Variants in STK3 observed in about 807,000 individuals in gnomAD.
The protein encoded by STK3 is serine/threonine-protein kinase 3.
Under a neutral mutation model 58.0 loss-of-function variants are expected in STK3, and 41 were observed. The observed-to-expected ratio is 0.71, with a 90% CI of 0.55 to 0.92. STK3 has a LOEUF of 0.92. Ranked by LOEUF, STK3 falls within the 40% of genes least tolerant of loss-of-function variation. The probability of loss-of-function intolerance (pLI) is 0.00; values close to 1 mark genes in which losing one functional copy is unlikely to be tolerated. For missense variants in STK3, 479 were observed against 602.7 expected (o/e 0.79, Z 2.15); for synonymous variants, 170 against 191.0 (o/e 0.89, Z 0.91).
chr8:98,669,205 C>T (rs1361923983), intron 6 of STK3, among the ~76,000 whole-genome samples: 2 of 152,064 alleles, frequency 1.3e-5, no homozygotes, highest in African/African-American at 4.8e-5. Flanking sequence ...TCATATTGAT[C>T]AGGCTGGTCT....
At chr8:98,801,188 A>G (rs918266801) in intron 1 of STK3, among the ~76,000 whole-genome samples, 6 of 152,168 alleles carry the variant, frequency 3.9e-5, no homozygotes, top group Non-Finnish European at 7.4e-5. Flanking sequence ...TTGTAAATAC[A>G]CCAATTAGCA....
At chr8:98,444,516 G>A (rs371689416) in intron 1 of STK3, among the ~76,000 whole-genome samples, 3 of 152,216 alleles carry the variant, frequency 2.0e-5, no homozygotes, top group East Asian at 3.8e-4. Context: ...GGCCTGAAGG[G>A]TAGTGGAGGT....
downstream of STK3, among the ~76,000 whole-genome samples, chr8:98,371,034 G>A (rs1245244028): frequency 1.3e-5 from 2 of 152,288 alleles, no homozygotes; most frequent in South Asian, 4.1e-4. Context: ...TCAGACCACT[G>A]GACCCAAAAT....
At chr8:98,701,540 C>T (rs1424397996) in intron 6 of STK3, among the ~76,000 whole-genome samples, 1 of 151,866 alleles carries the variant, frequency 6.6e-6, no homozygotes, top group Non-Finnish European at 1.5e-5. Flanking sequence ...AGGAGAATCG[C>T]TTGAAACCGG....
the STK3 span, among the ~76,000 whole-genome samples, chr8:98,356,825 A>G: frequency 6.6e-6 from 1 of 152,236 alleles, no homozygotes; most frequent in South Asian, 2.1e-4. Flanking sequence ...GTGGAAAGAA[A>G]GCAAAACCTA....
At chr8:98,395,997 T>C (rs1203016052) in intron 3 of STK3, among the ~76,000 whole-genome samples, 27 of 152,346 alleles carry the variant, frequency 1.8e-4, no homozygotes, top group Non-Finnish European at 2.9e-5. Flanking sequence ...TCCAGATCTA[T>C]ACAACTGCCT....
chr8:98,425,313 C>T (rs777204492), intron 3 of STK3, among the ~76,000 whole-genome samples: 6 of 127,574 alleles, frequency 4.7e-5, no homozygotes, highest in Non-Finnish European at 6.6e-5. Context: ...GATTTTTCTC[C>T]GTCTCTCCCT....
chr8:98,716,659 G>A (rs1827040497), intron 4 of STK3, among the ~76,000 whole-genome samples: 1 of 152,046 alleles, frequency 6.6e-6, no homozygotes, highest in South Asian at 2.1e-4. Flanking sequence ...GATGTTTATT[G>A]CAGAAATAGA....
intron 6 of STK3, among the ~76,000 whole-genome samples, chr8:98,627,082 T>G (rs752371274): frequency 8.1e-4 from 124 of 152,304 alleles, no homozygotes; most frequent in Middle Eastern, 3.4e-3. Context: ...GACTCAAGTC[T>G]TAAGAGTCAT....
intron 1 of STK3, among the ~76,000 whole-genome samples, chr8:98,444,977 C>G (rs1439324220): frequency 6.6e-6 from 1 of 152,122 alleles, no homozygotes; most frequent in Non-Finnish European, 1.5e-5. Flanking sequence ...CACTTCTTAT[C>G]TTGGTACTAA....
intron 1 of STK3, chr8:98,778,955 C>T (rs1831907173): frequency 6.6e-6 from 1 of 151,932 alleles, no homozygotes; most frequent in Non-Finnish European, 1.5e-5. Flanking sequence ...GGGTGCAGCA[C>T]ACCAACATGG....
At chr8:98,764,885 T>C (rs1272063956) in intron 3 of STK3, among the ~76,000 whole-genome samples, 2 of 152,178 alleles carry the variant, frequency 1.3e-5, no homozygotes, top group East Asian at 3.8e-4. Context: ...TGTATGCCAC[T>C]CTTAGGAGAC....
At chr8:98,443,462 T>C (rs548449335) in intron 1 of STK3, among the ~76,000 whole-genome samples, 2 of 152,332 alleles carry the variant, frequency 1.3e-5, no homozygotes, top group African/African-American at 4.8e-5. Context: ...TGAATGATAG[T>C]GGCAACATAG....
chr8:98,732,497 C>T (rs1035453190), intron 4 of STK3, among the ~76,000 whole-genome samples: 4 of 152,070 alleles, frequency 2.6e-5, no homozygotes, highest in South Asian at 2.1e-4. Flanking sequence ...TAAAATTCTA[C>T]GTAGGCTATC....
intron 3 of STK3, among the ~76,000 whole-genome samples, chr8:98,843,658 T>C (rs867771637): frequency 2.0e-5 from 3 of 152,358 alleles, no homozygotes; most frequent in Middle Eastern, 3.4e-3. Context: ...GACCATTCCC[T>C]AGCAGGCAAT....
chr8:98,446,104 C>T (rs958145042), intron 1 of STK3, among the ~76,000 whole-genome samples: 1 of 152,230 alleles, frequency 6.6e-6, no homozygotes, highest in African/African-American at 2.4e-5. Context: ...TCTTTCTCAT[C>T]TCTGTCTTTA....
chr8:98,614,589 C>A (rs1019117306), intron 6 of STK3, among the ~76,000 whole-genome samples: 8 of 149,580 alleles, frequency 5.3e-5, no homozygotes, highest in Non-Finnish European at 7.4e-5. Context: ...TGGGCGCAGG[C>A]CAGTGGGTGT....
the STK3 span, among the ~76,000 whole-genome samples, chr8:98,348,295 T>C: frequency 6.6e-6 from 1 of 152,062 alleles, no homozygotes; most frequent in Non-Finnish European, 1.5e-5. Flanking sequence ...AATCCAAAAC[T>C]ATAAAACTAG....
At chr8:98,620,737 T>A (rs1199086268) in intron 6 of STK3, among the ~76,000 whole-genome samples, 2 of 151,744 alleles carry the variant, frequency 1.3e-5, no homozygotes, top group Non-Finnish European at 2.9e-5. Flanking sequence ...AATATCAATG[T>A]AACAAACAGC....
Sources: gnomAD v4.1 joint callset for allele counts (sites outside exome capture counted in the v4.1 genomes callset) on GRCh38, gnomAD v4.1.1 for gene constraint, MANE v1.5 for transcripts, NCBI Gene and HGNC (gene_info 2026-07-23, HGNC 2026-07-21) for gene names.